FHIT: variants seen among roughly 807,000 people sequenced by gnomAD.
FHIT encodes the protein bis(5'-adenosyl)-triphosphatase.
A neutral mutation model predicts 17.9 loss-of-function variants in FHIT; 19 were observed. That is an observed-to-expected ratio of 1.06 (90% CI 0.74 to 1.56). The LOEUF (loss-of-function observed/expected upper bound fraction) is 1.56. Among genes scored for constraint, FHIT ranks in the 40% most tolerant of loss-of-function variants. The pLI is 0.00. For missense variants in FHIT, 248 were observed against 189.2 expected (o/e 1.31, Z -1.82); for synonymous variants, 81 against 69.7 (o/e 1.16, Z -0.81).
chr3:61,096,084 T>C (rs983588931), intron 2 of FHIT, among the ~76,000 whole-genome samples: 4 of 152,190 alleles, frequency 2.6e-5, no homozygotes, highest in African/African-American at 4.8e-5. Context: ...ACAGACAAAG[T>C]AGATGCACTC....
chr3:60,507,463 G>C (rs550641891), intron 5 of FHIT, among the ~76,000 whole-genome samples: 2 of 152,152 alleles, frequency 1.3e-5, no homozygotes, highest in Non-Finnish European at 2.9e-5. Flanking sequence ...AGCTAGCAAA[G>C]GTTTTTTGTT....
chr3:59,886,764 G>A (rs73839569), intron 8 of FHIT, among the ~76,000 whole-genome samples: 1 of 152,144 alleles, frequency 6.6e-6, no homozygotes, highest in Admixed American at 6.5e-5. Flanking sequence ...TCAACATGAG[G>A]TTAGGAGGGC....
At chr3:59,813,500 G>C (rs745394812) in intron 8 of FHIT, among the ~76,000 whole-genome samples, 16 of 152,136 alleles carry the variant, frequency 1.1e-4, no homozygotes, top group Non-Finnish European at 2.1e-4. Flanking sequence ...ATAAATCTGG[G>C]ATCCAAATTC....
At chr3:60,981,281 C>T (rs979139400) in intron 3 of FHIT, among the ~76,000 whole-genome samples, 2 of 150,784 alleles carry the variant, frequency 1.3e-5, no homozygotes, top group Non-Finnish European at 2.9e-5. Flanking sequence ...TCTCCTTCTC[C>T]CCTTTCTTCC....
Position 60,642,794 on chromosome 3 carries a change from C to T in FHIT, c.-17-105815G>A, listed in dbSNP as rs115873514. Among the ~76,000 whole-genome samples the T allele has an allele frequency of 3.0e-3, 458 of 152,166 alleles. 3 individuals are homozygous for T. Among genetic ancestry groups the T allele is most frequent in the African/African-American group, 0.01 (432 of 41,526 alleles). On this transcript the variant is annotated intron_variant, in intron 4 of 9. Transcript: ENST00000492590. Reference sequence around the variant, plus strand: ...TGATGCCAACCCTGCTTCCTCTGGCCCTGGGTTTTGTACCTGCTGCTTTCT... The same window carrying T: ...TGATGCCAACCCTGCTTCCTCTGGCTCTGGGTTTTGTACCTGCTGCTTTCT...
intron 5 of FHIT, among the ~76,000 whole-genome samples, chr3:60,383,081 C>T (rs771333320): frequency 1.3e-5 from 2 of 152,156 alleles, no homozygotes; most frequent in Non-Finnish European, 2.9e-5. Context: ...AACTCTAAAC[C>T]ATCTGAGTTA....
intron 8 of FHIT, among the ~76,000 whole-genome samples, chr3:59,756,903 C>A (rs902105403): frequency 1.3e-5 from 2 of 152,156 alleles, no homozygotes; most frequent in African/African-American, 4.8e-5. Flanking sequence ...ATTTTAACAT[C>A]TTTGAAATCA....
chr3:59,983,679 T>C (rs1271672885), intron 7 of FHIT, among the ~76,000 whole-genome samples: 1 of 152,116 alleles, frequency 6.6e-6, no homozygotes, highest in Non-Finnish European at 1.5e-5. Context: ...TCTCCAGTGT[T>C]GGCTTCATTC....
At chr3:60,309,613 C>T (rs766369084) in intron 5 of FHIT, among the ~76,000 whole-genome samples, 20 of 152,098 alleles carry the variant, frequency 1.3e-4, no homozygotes, top group Admixed American at 1.3e-3. Context: ...CAAATTGAGG[C>T]TTTTTGTGAA....
At chr3:61,079,567 C>T (rs530397428) in intron 2 of FHIT, among the ~76,000 whole-genome samples, 3 of 152,074 alleles carry the variant, frequency 2.0e-5, no homozygotes, top group Non-Finnish European at 4.4e-5. Context: ...TCTTCTCCTC[C>T]CTATTTATTA....
At chr3:60,182,247 G>T (rs1701970575) in intron 5 of FHIT, among the ~76,000 whole-genome samples, 1 of 152,146 alleles carries the variant, frequency 6.6e-6, no homozygotes, top group Admixed American at 6.5e-5. Flanking sequence ...ACTAAATCCT[G>T]CTTCTATTAG....
chr3:61,150,329 A>G (rs536936803), intron 2 of FHIT, among the ~76,000 whole-genome samples: 1 of 151,782 alleles, frequency 6.6e-6, no homozygotes, highest in East Asian at 1.9e-4. Context: ...GGAGCTCTCT[A>G]TGTTCCTTCT....
intron 5 of FHIT, among the ~76,000 whole-genome samples, chr3:60,044,194 G>T (rs188925527): frequency 6.6e-6 from 1 of 152,280 alleles, no homozygotes; most frequent in East Asian, 1.9e-4. Context: ...ACATGGGTTT[G>T]CTGAATACAG....
chr3:61,197,046 T>C (rs2038872466), intron 2 of FHIT, among the ~76,000 whole-genome samples: 1 of 152,180 alleles, frequency 6.6e-6, no homozygotes. Context: ...GCACAAGCAC[T>C]ATACAAGGTG....
At chr3:60,423,686 T>A (rs1436622983) in intron 5 of FHIT, among the ~76,000 whole-genome samples, 2 of 152,238 alleles carry the variant, frequency 1.3e-5, no homozygotes, top group East Asian at 3.9e-4. Flanking sequence ...ATTCAAAAAT[T>A]GTTAAAGCTA....
At chr3:60,807,640 G>T (rs1437644483) in intron 4 of FHIT, among the ~76,000 whole-genome samples, 1 of 152,006 alleles carries the variant, frequency 6.6e-6, no homozygotes, top group Non-Finnish European at 1.5e-5. Flanking sequence ...TTATAATATT[G>T]TTCCTAATAG....
chr3:60,519,062 G>A (rs1033160543), intron 5 of FHIT, among the ~76,000 whole-genome samples: 1 of 152,026 alleles, frequency 6.6e-6, no homozygotes, highest in Non-Finnish European at 1.5e-5. Context: ...CAATGAAGTA[G>A]GTTAAAATCA....
At chr3:61,108,107 T>C (rs1299526791) in intron 2 of FHIT, among the ~76,000 whole-genome samples, 1 of 152,210 alleles carries the variant, frequency 6.6e-6, no homozygotes, top group Non-Finnish European at 1.5e-5. Context: ...TATAGTCCCC[T>C]GATAATTAGG....
intron 5 of FHIT, among the ~76,000 whole-genome samples, chr3:60,450,444 T>C (rs577149723): frequency 3.3e-4 from 50 of 152,102 alleles, no homozygotes; most frequent in Non-Finnish European, 6.2e-4. Flanking sequence ...ATTATCCAGG[T>C]CCTGTATAGA....
Sources: gnomAD v4.1 joint callset for allele counts (sites outside exome capture counted in the v4.1 genomes callset) on GRCh38, gnomAD v4.1.1 for gene constraint, MANE v1.5 for transcripts, NCBI Gene and HGNC (gene_info 2026-07-23, HGNC 2026-07-21) for gene names.